Variants in NLN observed in about 807,000 individuals in gnomAD.
NLN encodes neurolysin, mitochondrial.
A neutral mutation model predicts 79.9 loss-of-function variants in NLN; 64 were observed. The observed-to-expected ratio is 0.80, with a 90% CI of 0.65 to 0.99. NLN has a LOEUF of 0.99. NLN is among the 50% of genes least tolerant of loss of function. The pLI is 0.00. For missense variants in NLN, 835 were observed against 858.7 expected (o/e 0.97, Z 0.34); for synonymous variants, 267 against 296.6 (o/e 0.90, Z 1.02).
chr5:65,742,740 T>C (rs373436665), intron 1 of NLN, among the ~76,000 whole-genome samples: 1 of 152,218 alleles, frequency 6.6e-6, no homozygotes, highest in Non-Finnish European at 1.5e-5. Context: ...AGCAGTCGAA[T>C]TGTAGCACTT....
intron 9 of NLN, among the ~76,000 whole-genome samples, chr5:65,802,587 C>T (rs565791920): frequency 6.6e-6 from 1 of 152,282 alleles, no homozygotes; most frequent in East Asian, 1.9e-4. Context: ...GTGTTATAGC[C>T]CTTTAGGCCC....
chr5:65,737,715 G>T (rs1758757915), intron 1 of NLN, among the ~76,000 whole-genome samples: 1 of 152,144 alleles, frequency 6.6e-6, no homozygotes, highest in Non-Finnish European at 1.5e-5. Context: ...GTAGCTGGGT[G>T]CAGATTTCTT....
intron 1 of NLN, among the ~76,000 whole-genome samples, chr5:65,754,519 C>G (rs1265313340): frequency 6.6e-6 from 1 of 152,250 alleles, no homozygotes; most frequent in East Asian, 1.9e-4. Flanking sequence ...ATCTAACCAT[C>G]TACTGCACTG....
rs373265853 is a variant in NLN at position 65,749,179 on chromosome 5, T to G, written c.42-9388T>G. 1.6e-4 allele frequency among the ~76,000 whole-genome samples: 25 copies of G among 152,306 alleles called. No individual in the cohort carries two copies. The South Asian group carries it at 4.3e-3, about 26-fold the overall frequency. Reference sequence around the variant, plus strand: ...TTTTTCCTTATAAATTATCCAGTCTTGGGTATTTCTTCATAGCAGTGTGAA... The same window carrying G: ...TTTTTCCTTATAAATTATCCAGTCTGGGGTATTTCTTCATAGCAGTGTGAA... On this transcript the variant is annotated intron_variant, in intron 1 of 12. Transcript: ENST00000380985.
rs1218949884 is a variant in NLN at position 65,781,131 on chromosome 5, A to T, written c.662-130A>T. ...GCAACATCAAAATGATATTTAAAGG[A>T]TTGTCATTATTTTACTTGAATTTCA... On this transcript the variant is annotated intron_variant, in intron 5 of 12. Transcript: ENST00000380985. The T allele has an allele frequency of 8.0e-6, 5 of 621,526 alleles. No homozygotes were observed. The African/African-American group carries it at 9.3e-5, about 12-fold the overall frequency. 38.5% of individuals were successfully genotyped at this position (621,526 alleles called of 1,614,324 possible). A position where few individuals can be genotyped will look rare whatever the true frequency, so the allele number is the denominator to read the frequency against.
chr5:65,799,992 G>A (rs192226666), intron 9 of NLN, among the ~76,000 whole-genome samples: 1 of 152,310 alleles, frequency 6.6e-6, no homozygotes, highest in African/African-American at 2.4e-5. Context: ...AGACAGGCCA[G>A]GATGTGGAAT....
chr5:65,810,316 C>A, intron 11 of NLN, 151 bp downstream of exon 11: 1 of 694,306 alleles, frequency 1.4e-6, no homozygotes, highest in African/African-American at 1.8e-5. Context: ...CATACTATGT[C>A]CTTATGAGTT....
chr5:65,802,203 C>T (rs1185078210), intron 9 of NLN, among the ~76,000 whole-genome samples: 1 of 152,210 alleles, frequency 6.6e-6, no homozygotes, highest in African/African-American at 2.4e-5. Flanking sequence ...TGGCCTGGAT[C>T]CCATGCCTGC....
intron 1 of NLN, among the ~76,000 whole-genome samples, chr5:65,749,900 T>C (rs1406705082): frequency 6.6e-6 from 1 of 152,226 alleles, no homozygotes; most frequent in Non-Finnish European, 1.5e-5. Context: ...TCTGCCACAC[T>C]GTGCTCTTGA....
intron 1 of NLN, among the ~76,000 whole-genome samples, chr5:65,746,946 G>A (rs1247339824): frequency 2.0e-5 from 3 of 151,704 alleles, no homozygotes; most frequent in African/African-American, 7.3e-5. Flanking sequence ...GGAGCTTGCA[G>A]TGAGCTGAGA....
In NLN at chr5:65,824,094, T is replaced by A. The variant is rs1183730068; in HGVS notation, c.*1179T>A. 6.6e-6 allele frequency: 1 copy of A among 152,184 alleles called. No homozygotes were observed. The highest frequency in any genetic ancestry group is 1.5e-5 in the Non-Finnish European group (1 of 68,036). The allele number at this position is 152,184 out of a possible 1,614,324, so 9.4% of individuals were successfully genotyped here. A position where few individuals can be genotyped will look rare whatever the true frequency, so the allele number is the denominator to read the frequency against. ...GCAGATCAGTAAACTCACAGTATTTTTCCTGTGGAAATCTATTCAATAAGG... is the reference window on the plus strand; with the variant it reads ...GCAGATCAGTAAACTCACAGTATTTATCCTGTGGAAATCTATTCAATAAGG... On this transcript the variant is annotated 3_prime_UTR_variant, in exon 13 of 13. Transcript: ENST00000380985.
chr5:65,771,947 T>C (rs796404457), intron 3 of NLN, among the ~76,000 whole-genome samples: 12 of 138,734 alleles, frequency 8.6e-5, no homozygotes, highest in African/African-American at 3.2e-4. Context: ...AAAGAACCAC[T>C]ACCTTAAAAC....
chr5:65,757,880 G>A (rs893019281), intron 1 of NLN, among the ~76,000 whole-genome samples: 1 of 152,078 alleles, frequency 6.6e-6, no homozygotes, highest in Non-Finnish European at 1.5e-5. Flanking sequence ...AAACTTGCAA[G>A]GTTTTTTCGA....
At chr5:65,773,329 AG>A (rs1386287937) in intron 3 of NLN, among the ~76,000 whole-genome samples, 1 of 151,726 alleles carries the variant, frequency 6.6e-6, no homozygotes, top group Non-Finnish European at 1.5e-5. Flanking sequence ...TGTAGAGATG[AG>A]GTTTCACCAT....
chr5:65,803,873 C>T (rs1319898514), intron 9 of NLN, among the ~76,000 whole-genome samples: 3 of 152,364 alleles, frequency 2.0e-5, no homozygotes, highest in Middle Eastern at 3.4e-3. Context: ...CCCAGCCACG[C>T]TTCCCCCACT....
At chr5:65,725,855 G>A (rs1015152217) in intron 1 of NLN, among the ~76,000 whole-genome samples, 1 of 152,222 alleles carries the variant, frequency 6.6e-6, no homozygotes, top group African/African-American at 2.4e-5. Flanking sequence ...GCTCACGCCT[G>A]TAATCCCAGC....
At chr5:65,728,402 G>A (rs1157862908) in intron 1 of NLN, among the ~76,000 whole-genome samples, 2 of 152,080 alleles carry the variant, frequency 1.3e-5, no homozygotes, top group Non-Finnish European at 2.9e-5. Context: ...ATGAGTAATA[G>A]TGCTTGGATA....
chr5:65,792,980 C>T (rs571890301), intron 9 of NLN: 128 of 392,216 alleles, frequency 3.3e-4, no homozygotes, highest in Non-Finnish European at 5.0e-4. Context: ...CTCAGAAAAA[C>T]TGTGCTGTAA....
At position 65,763,835 on chromosome 5, in the gene NLN, G is replaced by T. The variant is rs376089183; in HGVS notation, c.450+727G>T. The stretch of plus-strand genomic sequence containing the variant: ...TTTAATTTGTAACTCATTATACAAT[G>T]TGTCATCAAGATTTAGACATGTAAA... On this transcript the variant is annotated intron_variant, in intron 3 of 12. Transcript: ENST00000380985. Among the ~76,000 whole-genome samples the T allele has an allele frequency of 2.0e-5, 3 of 152,000 alleles. No homozygotes were observed. The East Asian group carries it at 5.8e-4, about 29-fold the overall frequency.
Sources: allele counts gnomAD v4.1 joint callset (sites outside exome capture counted in the v4.1 genomes callset), GRCh38; gene constraint gnomAD v4.1.1; transcripts MANE v1.5; gene names NCBI Gene and HGNC (gene_info 2026-07-23, HGNC 2026-07-21).